Variants in CNTNAP2 observed in about 807,000 individuals in gnomAD.
CNTNAP2 encodes contactin associated protein 2.
A neutral mutation model predicts 155.2 loss-of-function variants in CNTNAP2; 98 were observed. That is an observed-to-expected ratio of 0.63 (90% CI 0.54 to 0.75). The LOEUF is 0.75. Among genes scored for constraint, CNTNAP2 ranks in the 30% least tolerant of loss-of-function variants. The pLI, the probability that CNTNAP2 is intolerant of heterozygous loss-of-function variation, is 0.00. For synonymous variants in CNTNAP2, 651 were observed against 631.2 expected, an observed-to-expected ratio of 1.03 and a Z score of -0.47; for missense variants, 1,727 against 1,688.1, an observed-to-expected ratio of 1.02 and a Z score of -0.40.
In CNTNAP2 at chr7:147,320,406, A is replaced by C. The variant is rs1320124043; in HGVS notation, c.1498+20116A>C. On this transcript the variant is annotated intron_variant, in intron 9 of 23. Coordinates refer to ENST00000361727, the MANE Select transcript of CNTNAP2 (RefSeq NM_014141.6). ...GAGATTTTTTACTGAAAAGATCATGAAAACAGATTGTAGGGAAAACTGACA... is the reference window on the plus strand; with the variant it reads ...GAGATTTTTTACTGAAAAGATCATGCAAACAGATTGTAGGGAAAACTGACA... 2.0e-5 allele frequency among the ~76,000 whole-genome samples: 3 copies of C among 152,312 alleles called. No individual in the cohort carries two copies. The East Asian group carries it at 5.8e-4, about 29-fold the overall frequency.
chr7:147,289,483 G>A (rs951363060), intron 8 of CNTNAP2, among the ~76,000 whole-genome samples: 5 of 151,914 alleles, frequency 3.3e-5, no homozygotes, highest in African/African-American at 7.2e-5. Context: ...GGGAAGGAAG[G>A]AAGAAAGAAA....
chr7:147,884,494 GAA>G (rs35756362), intron 13 of CNTNAP2, among the ~76,000 whole-genome samples: 12,064 of 145,854 alleles, frequency 0.083, 1,108 homozygotes, highest in African/African-American at 0.22. Flanking sequence ...TGCCTCGCCA[GAA>G]AAAAAAAAAA....
intron 1 of CNTNAP2, among the ~76,000 whole-genome samples, chr7:146,669,580 C>T (rs897614799): frequency 6.6e-6 from 1 of 152,030 alleles, no homozygotes; most frequent in African/African-American, 2.4e-5. Flanking sequence ...AGAACATGTG[C>T]TTTTTAAAAT....
intron 16 of CNTNAP2, 34 bp downstream of exon 16, chr7:148,118,322 C>G (rs1162227423): frequency 1.2e-6 from 2 of 1,611,988 alleles, no homozygotes. Context: ...TCATGGGGAG[C>G]CACTTTCGTC....
chr7:147,292,145 C>G (rs1414227765), intron 8 of CNTNAP2, among the ~76,000 whole-genome samples: 1 of 152,054 alleles, frequency 6.6e-6, no homozygotes, highest in Non-Finnish European at 1.5e-5. Context: ...CTCTGTTAGC[C>G]CCCAGGTCCT....
chr7:148,051,731 C>T (rs1339822092), intron 15 of CNTNAP2, among the ~76,000 whole-genome samples: 2 of 152,122 alleles, frequency 1.3e-5, no homozygotes, highest in Non-Finnish European at 1.5e-5. Context: ...TTCTATTTTA[C>T]GTTAGATGCT....
intron 11 of CNTNAP2, among the ~76,000 whole-genome samples, chr7:147,524,362 C>T (rs982020053): frequency 2.6e-5 from 4 of 152,140 alleles, no homozygotes; most frequent in Non-Finnish European, 5.9e-5. Context: ...TGCACTCCAG[C>T]CTGGGCAACA....
chr7:146,656,900 C>T (rs1800004268), intron 1 of CNTNAP2, among the ~76,000 whole-genome samples: 2 of 152,234 alleles, frequency 1.3e-5, no homozygotes, highest in Admixed American at 6.5e-5. Flanking sequence ...AAAGCCTCAA[C>T]ATTTTCTCAT....
intron 8 of CNTNAP2, among the ~76,000 whole-genome samples, chr7:147,268,752 G>A (rs1199477872): frequency 2.0e-5 from 3 of 152,154 alleles, no homozygotes; most frequent in Non-Finnish European, 2.9e-5. Context: ...AATGTCATAA[G>A]AGATTTAAAC....
At position 146,345,342 on chromosome 7, in the gene CNTNAP2, A is replaced by G. The variant is rs150156481; in HGVS notation, c.97+228369A>G. On this transcript the variant is annotated intron_variant, in intron 1 of 23. Coordinates refer to ENST00000361727, the MANE Select transcript of CNTNAP2 (RefSeq NM_014141.6). ...GGTGAAAGGAAGAACCCAAACAAAG[A>G]GATTGTTCTTAAAGGCATGTTAGGG... Among the ~76,000 whole-genome samples the G allele has an allele frequency of 5.5e-3, 841 of 152,260 alleles. 7 individuals are homozygous for G. Among genetic ancestry groups the G allele is most frequent in the Non-Finnish European group, 8.5e-3 (575 of 68,030 alleles).
rs180727477 is a variant in CNTNAP2 at position 148,024,253 on chromosome 7, T to A, written c.2383+46264T>A. Among the ~76,000 whole-genome samples, 38 of 149,682 alleles carry A rather than the reference T, an allele frequency of 2.5e-4. No homozygotes were observed. In the East Asian group the frequency reaches 7.2e-3, roughly 28 times the overall value. ...AATGAAAAATTCCAGACACCACAAG[T>A]AGTTAGAGCTCAGCTTCCTGGATAA... On this transcript the variant is annotated intron_variant, in intron 15 of 23. Coordinates refer to ENST00000361727, the MANE Select transcript of CNTNAP2 (RefSeq NM_014141.6).
chr7:147,869,687 C>T (rs944786401), intron 13 of CNTNAP2, among the ~76,000 whole-genome samples: 2 of 152,170 alleles, frequency 1.3e-5, no homozygotes, highest in Non-Finnish European at 2.9e-5. Flanking sequence ...GTATAAGTGT[C>T]CCTGAATAAT....
At chr7:146,735,291 G>C (rs921281286) in intron 1 of CNTNAP2, among the ~76,000 whole-genome samples, 3 of 152,170 alleles carry the variant, frequency 2.0e-5, no homozygotes, top group Non-Finnish European at 4.4e-5. Context: ...GGTGGCTCAC[G>C]CCTGTAATCC....
At chr7:146,290,347 G>A (rs1313141261) in intron 1 of CNTNAP2, among the ~76,000 whole-genome samples, 1 of 152,128 alleles carries the variant, frequency 6.6e-6, no homozygotes, top group East Asian at 1.9e-4. Context: ...AACCCTATCA[G>A]TTATGGAGAG....
intron 15 of CNTNAP2, among the ~76,000 whole-genome samples, chr7:148,088,136 A>G (rs73472205): frequency 0.01 from 1,594 of 152,174 alleles, 30 homozygotes; most frequent in African/African-American, 0.037. Flanking sequence ...GAATCCTTGT[A>G]TCTAGCACTG....
intron 1 of CNTNAP2, among the ~76,000 whole-genome samples, chr7:146,394,389 A>G (rs2109696): frequency 0.22 from 33,694 of 152,028 alleles, 4,629 homozygotes; most frequent in Admixed American, 0.39. Flanking sequence ...ATCAGATTGC[A>G]AGGAAGAATC....
At chr7:147,718,442 C>T (rs1796514230) in intron 13 of CNTNAP2, among the ~76,000 whole-genome samples, 1 of 152,026 alleles carries the variant, frequency 6.6e-6, no homozygotes, top group Non-Finnish European at 1.5e-5. Context: ...TTTTAACTGA[C>T]TCTATAATAT....
chr7:148,084,394 C>G lies in CNTNAP2; in HGVS notation c.2384-33724C>G, dbSNP rs150728205. ...GCAGCAAAACAGTAGAGGCTTGGCTCTCTGCCCCGGGACTGTGCAGAATGT... is the reference window on the plus strand; with the variant it reads ...GCAGCAAAACAGTAGAGGCTTGGCTGTCTGCCCCGGGACTGTGCAGAATGT... On this transcript the variant is annotated intron_variant, in intron 15 of 23. Coordinates refer to ENST00000361727, the MANE Select transcript of CNTNAP2 (RefSeq NM_014141.6). Among the ~76,000 whole-genome samples the G allele has an allele frequency of 4.3e-3, 662 of 152,332 alleles. 7 individuals carry two copies. Among genetic ancestry groups the G allele is most frequent in the African/African-American group, 0.015 (630 of 41,582 alleles).
At chr7:147,775,208 T>A (rs1451644621) in intron 13 of CNTNAP2, among the ~76,000 whole-genome samples, 1 of 134,964 alleles carries the variant, frequency 7.4e-6, no homozygotes, top group Non-Finnish European at 1.5e-5. Context: ...AAATTTTTCT[T>A]TTCCTATAAA....
Sources: gnomAD v4.1 joint callset for allele counts (sites outside exome capture counted in the v4.1 genomes callset) on GRCh38, gnomAD v4.1.1 for gene constraint, MANE v1.5 for transcripts, NCBI Gene and HGNC (gene_info 2026-07-23, HGNC 2026-07-21) for gene names.